ADAMTS19: variants seen among roughly 807,000 people sequenced by gnomAD.
ADAMTS19 encodes A disintegrin and metalloproteinase with thrombospondin motifs 19.
In ADAMTS19, 93 loss-of-function variants were observed where a neutral mutation model predicts 153.3. The ratio of observed to expected loss-of-function variants is 0.61; its 90% confidence interval spans 0.51 to 0.72. The LOEUF (loss-of-function observed/expected upper bound fraction) is 0.72. Ranked by LOEUF, ADAMTS19 falls within the 30% of genes least tolerant of loss-of-function variation. The pLI is 0.00. For synonymous variants in ADAMTS19, 600 were observed against 556.6 expected (o/e 1.08, Z -1.10); for missense variants, 1,482 against 1,552.1 (o/e 0.95, Z 0.76).
At chr5:129,601,580 A>C (rs1162141483) in intron 8 of ADAMTS19, among the ~76,000 whole-genome samples, 1 of 152,166 alleles carries the variant, frequency 6.6e-6, no homozygotes, top group Non-Finnish European at 1.5e-5. Flanking sequence ...TCATGGTTAC[A>C]GTTTATTAGC....
At position 129,461,472 on chromosome 5, in the gene ADAMTS19, G is replaced by GC; in HGVS notation, c.467dup (p.Ser157ValfsTer101). 6.8e-7 allele frequency: 1 copy of GC among 1,466,312 alleles called. No homozygotes were observed. The highest frequency in any genetic ancestry group is 8.9e-7 in the Non-Finnish European group (1 of 1,118,018). 90.8% of individuals were successfully genotyped at this position (1,466,312 alleles called of 1,614,324 possible). On this transcript the variant is annotated frameshift_variant, in exon 2 of 23. Coordinates refer to ENST00000274487, the MANE Select transcript of ADAMTS19 (RefSeq NM_133638.6). LOFTEE classifies it high-confidence loss of function. This position sits in a 1 kb window ranked among gnomAD's most constrained non-coding sequence, Gnocchi z 4.6. ...GGCAGCCGCCGCCTCCCCCGCAGCC[G>GC]CCCCCGTCCCCGCCCCCGGCCCAGC...
At chr5:129,613,491 A>G (rs1751338769) in intron 8 of ADAMTS19, among the ~76,000 whole-genome samples, 1 of 152,194 alleles carries the variant, frequency 6.6e-6, no homozygotes, top group Non-Finnish European at 1.5e-5. Context: ...AACCAACGAG[A>G]ACAAAGACAC....
intron 10 of ADAMTS19, among the ~76,000 whole-genome samples, chr5:129,634,581 C>T (rs1561616967): frequency 6.6e-6 from 1 of 152,036 alleles, no homozygotes; most frequent in Non-Finnish European, 1.5e-5. Flanking sequence ...ACAAAACAGA[C>T]ACATAGACCA....
intron 11 of ADAMTS19, among the ~76,000 whole-genome samples, chr5:129,647,017 G>GA (rs981267178): frequency 5.9e-5 from 9 of 151,578 alleles, no homozygotes; most frequent in African/African-American, 1.5e-4. Flanking sequence ...TTCAGTGAAT[G>GA]AAAAAATAAA....
intron 3 of ADAMTS19, among the ~76,000 whole-genome samples, chr5:129,522,332 C>CACACACATATATAT (rs1309115957): frequency 9.4e-4 from 55 of 58,602 alleles, no homozygotes; most frequent in East Asian, 3.9e-3. Context: ...CACACACACA[C>CACACACATATATAT]ATATATATAT....
intron 8 of ADAMTS19, among the ~76,000 whole-genome samples, chr5:129,611,479 A>T (rs975627324): frequency 6.6e-6 from 1 of 152,180 alleles, no homozygotes; most frequent in Non-Finnish European, 1.5e-5. Flanking sequence ...GGTGTAAGGA[A>T]GGGATCCAGT....
intron 2 of ADAMTS19, among the ~76,000 whole-genome samples, chr5:129,506,413 C>A (rs1182983296): frequency 2.0e-5 from 3 of 150,842 alleles, no homozygotes; most frequent in African/African-American, 7.4e-5. Context: ...AAGTAGCTTT[C>A]TTGTTTTTAA....
At chr5:129,626,323 A>G (rs1488158910) in intron 10 of ADAMTS19, among the ~76,000 whole-genome samples, 2 of 152,114 alleles carry the variant, frequency 1.3e-5, no homozygotes, top group African/African-American at 4.8e-5. Flanking sequence ...CACCTATACT[A>G]TCAGTTTTAA....
chr5:129,537,459 A>G (rs948864867), intron 6 of ADAMTS19, among the ~76,000 whole-genome samples: 1 of 152,202 alleles, frequency 6.6e-6, no homozygotes, highest in African/African-American at 2.4e-5. Flanking sequence ...TCATGCTGCT[A>G]TAAAGACACA....
chr5:129,535,480 T>G (rs1184322632), intron 6 of ADAMTS19, among the ~76,000 whole-genome samples: 6 of 152,122 alleles, frequency 3.9e-5, no homozygotes, highest in Non-Finnish European at 7.4e-5. Context: ...AAAATGGCCA[T>G]ACTGCCCAAG....
chr5:129,616,926 G>T (rs898154826), intron 8 of ADAMTS19, among the ~76,000 whole-genome samples: 4 of 152,018 alleles, frequency 2.6e-5, no homozygotes, highest in Non-Finnish European at 5.9e-5. Flanking sequence ...GCACCATTGT[G>T]TGGTAGTTTA....
At chr5:129,525,425 G>A (rs1386888594) in intron 3 of ADAMTS19, among the ~76,000 whole-genome samples, 3 of 152,042 alleles carry the variant, frequency 2.0e-5, no homozygotes, top group South Asian at 4.2e-4. Flanking sequence ...ATTTTCCCAT[G>A]CTATTAGGCA....
chr5:129,487,793 GGCATTACT>G (rs1471236459), intron 2 of ADAMTS19, among the ~76,000 whole-genome samples: 5 of 151,864 alleles, frequency 3.3e-5, no homozygotes, highest in Admixed American at 2.6e-4. Context: ...AGAGGTCTGT[GGCATTACT>G]AATTAAGAAT....
intron 15 of ADAMTS19, among the ~76,000 whole-genome samples, chr5:129,662,471 T>C (rs1038451370): frequency 4.6e-5 from 7 of 152,248 alleles, no homozygotes; most frequent in African/African-American, 1.4e-4. Flanking sequence ...TGAAAATCAG[T>C]CTAACCTGTC....
In ADAMTS19 at chr5:129,738,014, ATTT is replaced by A. The variant is rs1757744386; in HGVS notation, c.*799_*801del. The A allele has an allele frequency of 6.6e-6, 1 of 152,446 alleles. No homozygotes were observed. The highest frequency in any genetic ancestry group is 2.4e-5 in the African/African-American group (1 of 41,406). 9.4% of individuals were successfully genotyped at this position (152,446 alleles called of 1,614,324 possible). ...CACTAGATTTTAGCTTTTTTTAAAT[ATTT>A]TTAACAAAGAAAACATTGATCCACC... On this transcript the variant is annotated 3_prime_UTR_variant, in exon 23 of 23. Coordinates refer to ENST00000274487, the MANE Select transcript of ADAMTS19 (RefSeq NM_133638.6).
intron 7 of ADAMTS19, among the ~76,000 whole-genome samples, chr5:129,568,699 G>C (rs1753798289): frequency 6.6e-6 from 1 of 151,988 alleles, no homozygotes; most frequent in African/African-American, 2.4e-5. Flanking sequence ...TTGTGTTCTG[G>C]TAATCTCAAC....
chr5:129,643,279 T>C (rs1752888074), intron 11 of ADAMTS19, among the ~76,000 whole-genome samples: 1 of 150,332 alleles, frequency 6.7e-6, no homozygotes, highest in Non-Finnish European at 1.5e-5. Context: ...GAAGGATTGC[T>C]TGAGCCTGGA....
rs1754949777 is a variant in ADAMTS19 at position 129,684,013 on chromosome 5, CACACA to C, written c.2665-100_2665-96del. 9 of 1,229,214 alleles carry C rather than the reference CACACA, an allele frequency of 7.3e-6. No individual in the cohort carries two copies. The Admixed American group carries it at 2.0e-4, about 28-fold the overall frequency. The allele number at this position is 1,229,214 out of a possible 1,614,324, so 76.1% of individuals were successfully genotyped here. A position where few individuals can be genotyped will look rare whatever the true frequency, so the allele number is the denominator to read the frequency against. Reference sequence around the variant, plus strand: ...CAACAGCAACAACAACAACAAAATGCACACAACACAATGAGCATTTTAAGTATCAA... The same window carrying C: ...CAACAGCAACAACAACAACAAAATGCACACAATGAGCATTTTAAGTATCAA... On this transcript the variant is annotated intron_variant, in intron 17 of 22. Coordinates refer to ENST00000274487, the MANE Select transcript of ADAMTS19 (RefSeq NM_133638.6).
chr5:129,482,215 C>T (rs2126672642), intron 2 of ADAMTS19, among the ~76,000 whole-genome samples: 1 of 152,272 alleles, frequency 6.6e-6, no homozygotes, highest in South Asian at 2.1e-4. Context: ...GTGCTCTCCC[C>T]CTTTTCTTTC....
Sources: gnomAD v4.1 joint callset for allele counts (sites outside exome capture counted in the v4.1 genomes callset) on GRCh38, gnomAD v4.1.1 for gene constraint, Gnocchi (gnomAD v3.1) non-coding constraint, MANE v1.5 for transcripts, NCBI Gene and HGNC (gene_info 2026-07-23, HGNC 2026-07-21) for gene names.